MITF: variants seen among roughly 807,000 people sequenced by gnomAD.
MITF encodes the protein melanocyte inducing transcription factor.
In MITF, 17 loss-of-function variants were observed where a neutral mutation model predicts 60.5. That is an observed-to-expected ratio of 0.28 (90% confidence interval 0.19 to 0.42). The LOEUF is 0.42. Among genes scored for constraint, MITF ranks in the 10% least tolerant of loss-of-function variants. MITF has a pLI of 1.00. For missense variants in MITF, 622 were observed against 683.5 expected (o/e 0.91, Z 1.00); for synonymous variants, 260 against 248.5 (o/e 1.05, Z -0.43).
intron 1 of MITF, among the ~76,000 whole-genome samples, chr3:69,800,730 C>A (rs2062906272): frequency 6.6e-6 from 1 of 152,106 alleles, no homozygotes; most frequent in Non-Finnish European, 1.5e-5. Context: ...TTCCTCCCCC[C>A]TTTTCATTTA....
intron 1 of MITF, among the ~76,000 whole-genome samples, chr3:69,825,680 GC>G (rs1360913378): frequency 4.6e-5 from 7 of 152,154 alleles, no homozygotes; most frequent in Admixed American, 1.3e-4. Context: ...ATATGGGCCA[GC>G]CTATGATGCG....
chr3:69,833,528 T>A (rs1160539014), intron 1 of MITF, among the ~76,000 whole-genome samples: 1 of 152,068 alleles, frequency 6.6e-6, no homozygotes, highest in African/African-American at 2.4e-5. Context: ...GTTTTTCTAT[T>A]TACACTGTAT....
intron 2 of MITF, among the ~76,000 whole-genome samples, chr3:69,921,657 A>C (rs1351227387): frequency 1.3e-5 from 2 of 152,192 alleles, no homozygotes; most frequent in East Asian, 3.8e-4. Flanking sequence ...ACAAGATGTG[A>C]AATAACTCTT....
At chr3:69,780,433 T>C (rs2106872932) in intron 1 of MITF, among the ~76,000 whole-genome samples, 1 of 152,336 alleles carries the variant, frequency 6.6e-6, no homozygotes, top group South Asian at 2.1e-4. Context: ...GTTCTTTGTT[T>C]TCTTGATGGA....
intron 1 of MITF, among the ~76,000 whole-genome samples, chr3:69,877,129 T>A (rs2064372021): frequency 6.6e-6 from 1 of 152,206 alleles, no homozygotes; most frequent in South Asian, 2.1e-4. Flanking sequence ...TTTCCCACTT[T>A]GTTCTGTAGT....
intron 1 of MITF, among the ~76,000 whole-genome samples, chr3:69,795,424 A>G (rs1008812379): frequency 2.0e-5 from 3 of 152,214 alleles, no homozygotes; most frequent in African/African-American, 7.2e-5. Flanking sequence ...ACTGTCTTAC[A>G]TTATTTAAAA....
At chr3:69,952,354 TA>T (rs200263138) in intron 7 of MITF, among the ~76,000 whole-genome samples, 8 of 151,874 alleles carry the variant, frequency 5.3e-5, no homozygotes, top group African/African-American at 1.9e-4. Context: ...ATTCGTGACT[TA>T]AAAAAAATAG....
Position 69,922,841 on chromosome 3 carries a change from G to T in MITF, c.355-14981G>T, listed in dbSNP as rs536251582. On this transcript the variant is annotated intron_variant, in intron 2 of 9. Transcript: ENST00000352241. ...TCATCTCATCCTTCTCACAAAGAAA[G>T]AAAGAAAGAAACAAACCCTCAACCC... 4.6e-5 allele frequency among the ~76,000 whole-genome samples: 7 copies of T among 152,304 alleles called. No individual in the cohort carries two copies. In the South Asian group the frequency reaches 1.5e-3, roughly 32 times the overall value.
chr3:69,906,930 T>C (rs1177529935), intron 2 of MITF, among the ~76,000 whole-genome samples: 6 of 152,174 alleles, frequency 3.9e-5, no homozygotes, highest in Non-Finnish European at 2.9e-5. Flanking sequence ...GCAGCTTTTT[T>C]TAATTGGCTA....
At chr3:69,820,464 G>A (rs1360713128) in intron 1 of MITF, among the ~76,000 whole-genome samples, 2 of 104,802 alleles carry the variant, frequency 1.9e-5, no homozygotes, top group African/African-American at 2.8e-5. Flanking sequence ...AACAAGAGTA[G>A]GATTTTTTTT....
intron 1 of MITF, among the ~76,000 whole-genome samples, chr3:69,836,228 T>G (rs759279000): frequency 2.6e-5 from 4 of 152,210 alleles, no homozygotes; most frequent in Non-Finnish European, 5.9e-5. Flanking sequence ...TATTTTTTGG[T>G]AGCTGTTGTA....
intron 1 of MITF, among the ~76,000 whole-genome samples, chr3:69,761,826 A>G (rs1401329306): frequency 6.6e-6 from 1 of 152,208 alleles, no homozygotes; most frequent in Non-Finnish European, 1.5e-5. Context: ...AGATTTTCCT[A>G]ATTTCTTATT....
chr3:69,880,499 C>G (rs2064461557), intron 2 of MITF, among the ~76,000 whole-genome samples: 1 of 152,042 alleles, frequency 6.6e-6, no homozygotes, highest in South Asian at 2.1e-4. Flanking sequence ...AAAAAAGATA[C>G]AAATAGTTTA....
chr3:69,894,297 A>G (rs2064824443), intron 2 of MITF, among the ~76,000 whole-genome samples: 1 of 152,202 alleles, frequency 6.6e-6, no homozygotes, highest in Admixed American at 6.5e-5. Flanking sequence ...CAAGTTGCAT[A>G]ATCATTTTTA....
rs114043976 is a variant in MITF at position 69,749,020 on chromosome 3, G to A, written c.104+9319G>A. Among the ~76,000 whole-genome samples the A allele has an allele frequency of 1.3e-3, 204 of 152,278 alleles. 1 individual carries two copies. Among genetic ancestry groups the A allele is most frequent in the African/African-American group, 4.3e-3 (179 of 41,546 alleles). The stretch of plus-strand genomic sequence containing the variant: ...CCTAAATACTAACTGATTCTAGGAA[G>A]CATGTTTTTCAAAAACATACATTTT... On this transcript the variant is annotated intron_variant, in intron 1 of 9. Transcript: ENST00000352241.
chr3:69,786,043 T>C (rs139377660), intron 1 of MITF, among the ~76,000 whole-genome samples: 4 of 152,300 alleles, frequency 2.6e-5, no homozygotes, highest in African/African-American at 9.6e-5. Flanking sequence ...AACATCTGTT[T>C]GGAGAACAAA....
At chr3:69,941,979 A>G (rs532000407) in intron 5 of MITF, among the ~76,000 whole-genome samples, 32 of 152,260 alleles carry the variant, frequency 2.1e-4, no homozygotes, top group Non-Finnish European at 4.0e-4. Context: ...GGATGGTATC[A>G]TTGCCCTCAG....
chr3:69,850,110 G>C (rs1009717354), intron 1 of MITF, among the ~76,000 whole-genome samples: 1 of 152,144 alleles, frequency 6.6e-6, no homozygotes, highest in African/African-American at 2.4e-5. Context: ...TTGTTTATAG[G>C]ATCCCCCACC....
intron 1 of MITF, among the ~76,000 whole-genome samples, chr3:69,811,227 T>G (rs1041571907): frequency 6.6e-6 from 1 of 152,218 alleles, no homozygotes; most frequent in African/African-American, 2.4e-5. Flanking sequence ...GTTGAGACTC[T>G]CTGAAATACT....
Sources: gnomAD v4.1 joint callset for allele counts (sites outside exome capture counted in the v4.1 genomes callset) on GRCh38, gnomAD v4.1.1 for gene constraint, MANE v1.5 for transcripts, NCBI Gene and HGNC (gene_info 2026-07-23, HGNC 2026-07-21) for gene names.